The following GPC1 variants were observed in gnomAD, a reference collection of about 807,000 sequenced individuals.
GPC1 encodes the protein glypican-1.
GPC1 carries 26 observed loss-of-function variants against 51.5 expected under a neutral mutation model. The observed-to-expected ratio is 0.50, with a 90% CI of 0.37 to 0.70. The LOEUF (loss-of-function observed/expected upper bound fraction) is 0.70. GPC1 is among the 30% of genes least tolerant of loss of function. The pLI, the probability that GPC1 is intolerant of heterozygous loss-of-function variation, is 0.00. For missense variants in GPC1, 775 were observed against 800.5 expected, an observed-to-expected ratio of 0.97 and a Z score of 0.38; for synonymous variants, 380 against 348.3, an observed-to-expected ratio of 1.09 and a Z score of -1.01.
At chr2:240,436,362 G>T (rs1293742889) in intron 1 of GPC1, among the ~76,000 whole-genome samples, 1 of 152,106 alleles carries the variant, frequency 6.6e-6, no homozygotes, top group African/African-American at 2.4e-5. Flanking sequence ...TCCCTGCGGA[G>T]CTGATCTCGC....
chr2:240,445,336 C>T (rs2074042387), intron 1 of GPC1, among the ~76,000 whole-genome samples: 1 of 152,166 alleles, frequency 6.6e-6, no homozygotes, highest in Non-Finnish European at 1.5e-5. Flanking sequence ...GCCCTGGGCA[C>T]TTGTGACATC....
chr2:240,457,043 G>A (rs983277798), intron 1 of GPC1, among the ~76,000 whole-genome samples: 1 of 152,170 alleles, frequency 6.6e-6, no homozygotes, highest in African/African-American at 2.4e-5. Context: ...GGTAAGGAGG[G>A]GCGGGGGGCG....
chr2:240,443,702 G>A (rs2074031979), intron 1 of GPC1, among the ~76,000 whole-genome samples: 1 of 152,238 alleles, frequency 6.6e-6, no homozygotes, highest in Admixed American at 6.5e-5. Flanking sequence ...TCTTTGATGG[G>A]GCGCAGCCGG....
chr2:240,458,762 G>A (rs767818478), intron 1 of GPC1: 3 of 439,358 alleles, frequency 6.8e-6, no homozygotes, highest in South Asian at 4.6e-5. Context: ...CAGGCTGGGG[G>A]GCAGGACTTG....
chr2:240,449,313 G>GCCCCCCT (rs2074075228), intron 1 of GPC1: 2 of 140,956 alleles, frequency 1.4e-5, no homozygotes, highest in African/African-American at 5.6e-5. Flanking sequence ...TCCGGCAGGC[G>GCCCCCCT]CCCCCCCCCA....
At chr2:240,446,917 C>A (rs1041729592) in intron 1 of GPC1, among the ~76,000 whole-genome samples, 1 of 152,152 alleles carries the variant, frequency 6.6e-6, no homozygotes, top group African/African-American at 2.4e-5. Flanking sequence ...TGGAGCTGCA[C>A]GGCTGGCATC....
chr2:240,448,330 T>G lies in GPC1; in HGVS notation c.167-10700T>G, dbSNP rs968415024. 1.4e-5 allele frequency among the ~76,000 whole-genome samples: 2 copies of G among 145,558 alleles called. No homozygotes were observed. Among genetic ancestry groups the G allele is most frequent in the African/African-American group, 2.5e-5 (1 of 40,398 alleles). ...TGTCCCCAACCTCTGCCCAGAGCCA[T>G]CTCATGGGATCCTGGCATCCCTCTG... On this transcript the variant is annotated intron_variant, in intron 1 of 8. Coordinates refer to ENST00000264039, the MANE Select transcript of GPC1 (RefSeq NM_002081.3). The surrounding 1 kb of genome is among the most constrained non-coding windows in gnomAD (Gnocchi z 4.5).
In GPC1 at chr2:240,462,185, G is replaced by A. The variant is rs769065784; in HGVS notation, c.326-6G>A. On this transcript the variant is annotated splice_region_variant and splice_polypyrimidine_tract_variant and intron_variant, in intron 2 of 8. Coordinates refer to ENST00000264039, the MANE Select transcript of GPC1 (RefSeq NM_002081.3). ...GGTCCCGATCACGCCCCCTCCCTGT[G>A]CGCAGACCACTTCCAGCACCTGCTG... The A allele has an allele frequency of 2.5e-6, 4 of 1,580,916 alleles. No homozygotes were observed. The African/African-American group carries it at 4.0e-5, about 16-fold the overall frequency.
intron 1 of GPC1, among the ~76,000 whole-genome samples, chr2:240,454,110 C>T (rs887289776): frequency 2.0e-5 from 3 of 151,896 alleles, no homozygotes; most frequent in Non-Finnish European, 4.4e-5. Flanking sequence ...GGGAGGGAAG[C>T]ACGATGGGGT....
chr2:240,458,183 A>C (rs2074186196), intron 1 of GPC1: 1 of 420,602 alleles, frequency 2.4e-6, no homozygotes. Flanking sequence ...TGCGATGCAC[A>C]CCCTTTAAAA....
intron 1 of GPC1, chr2:240,451,164 G>A (rs762274661): frequency 1.1e-5 from 5 of 471,074 alleles, no homozygotes; most frequent in South Asian, 7.7e-5. Context: ...CTCTTGGCGG[G>A]CTCCCTCCAG....
intron 2 of GPC1, among the ~76,000 whole-genome samples, chr2:240,461,964 A>C (rs2074219559): frequency 6.6e-6 from 1 of 151,964 alleles, no homozygotes; most frequent in African/African-American, 2.4e-5. Flanking sequence ...CTGAGACCCG[A>C]GAGGACCCCC....
At chr2:240,457,045 C>CG (rs941905289) in intron 1 of GPC1, among the ~76,000 whole-genome samples, 2 of 152,096 alleles carry the variant, frequency 1.3e-5, no homozygotes, top group South Asian at 2.1e-4. Flanking sequence ...TAAGGAGGGG[C>CG]GGGGGGCGCA....
At chr2:240,443,644 G>A (rs2074031676) in intron 1 of GPC1, among the ~76,000 whole-genome samples, 1 of 152,224 alleles carries the variant, frequency 6.6e-6, no homozygotes, top group South Asian at 2.1e-4. Flanking sequence ...AGTGGGAGGT[G>A]AGGCCCAGCG....
Position 240,464,962 on chromosome 2 carries a change from C to T in GPC1, c.1121C>T (p.Thr374Met), listed in dbSNP as rs200248156. 22 of 1,553,528 alleles carry T rather than the reference C, an allele frequency of 1.4e-5. No individual in the cohort carries two copies. Among genetic ancestry groups the T allele is most frequent in the East Asian group, 4.8e-5 (2 of 41,332 alleles). Residue 374 changes from threonine (T) to methionine (M), a missense_variant, in exon 6 of 9, where the codon ACG (threonine) becomes ATG (methionine). Transcript: ENST00000264039. ...LAPRERPPSG[T>M]LEKLVSEAKA... The stretch of plus-strand genomic sequence containing the variant: ...CCGCGGGAGAGGCCACCTTCAGGCA[C>T]GCTGGAGAAGCTGGTGAGTGGCCCC...
intron 1 of GPC1, among the ~76,000 whole-genome samples, chr2:240,453,526 C>T (rs1187624275): frequency 1.5e-5 from 2 of 136,844 alleles, no homozygotes; most frequent in Non-Finnish European, 3.2e-5. Context: ...CCCGGGCCGT[C>T]GCAGCCCTTC....
chr2:240,462,492 G>A lies in GPC1; in HGVS notation c.627G>A (p.Leu209=). The A allele has an allele frequency of 6.3e-7, 1 of 1,596,706 alleles. No homozygotes were observed. Among genetic ancestry groups the A allele is most frequent in the Non-Finnish European group, 8.5e-7 (1 of 1,172,884 alleles). ...LRPFGEAPRE[L]RLRATRAFVA... is the part of the protein sequence containing the mutation. ...CCTTCGGGGAGGCCCCGAGAGAGCTGCGCCTGCGGGCCACCCGTGCCTTCG... is the reference window on the plus strand; with the variant it reads ...CCTTCGGGGAGGCCCCGAGAGAGCTACGCCTGCGGGCCACCCGTGCCTTCG... Residue 209 remains leucine (L), a synonymous_variant, in exon 3 of 9, where the codon CTG becomes CTA. Coordinates refer to ENST00000264039, the MANE Select transcript of GPC1 (RefSeq NM_002081.3).
chr2:240,452,878 C>A, intron 1 of GPC1: 1 of 230,040 alleles, frequency 4.3e-6, no homozygotes, highest in South Asian at 4.4e-5. Context: ...CCCGGCGGAC[C>A]GCAGCCCGCC....
At chr2:240,456,601 A>T in intron 1 of GPC1, 1 of 470,522 alleles carries the variant, frequency 2.1e-6, no homozygotes, top group South Asian at 1.5e-5. Context: ...CATTACCATC[A>T]TGTGTCCGGC....
Sources: gnomAD v4.1 joint callset for allele counts (sites outside exome capture counted in the v4.1 genomes callset) on GRCh38, gnomAD v4.1.1 for gene constraint, Gnocchi (gnomAD v3.1) non-coding constraint, MANE v1.5 for transcripts, NCBI Gene and HGNC (gene_info 2026-07-23, HGNC 2026-07-21) for gene names.